KCNJ3: variants seen among roughly 807,000 people sequenced by gnomAD.
KCNJ3 encodes the protein potassium inwardly rectifying channel subfamily J member 3.
In KCNJ3, 4 loss-of-function variants were observed where a neutral mutation model predicts 39.2. The observed-to-expected ratio is 0.10, with a 90% CI of 0.05 to 0.23. The LOEUF (loss-of-function observed/expected upper bound fraction) is 0.23, where lower values mean the gene tolerates loss of function less well. KCNJ3 is among the 10% of genes least tolerant of loss of function. The probability of loss-of-function intolerance (pLI) is 1.00; values close to 1 mark genes in which losing one functional copy is unlikely to be tolerated. For missense variants in KCNJ3, 276 were observed against 634.9 expected (o/e 0.43, Z 6.08); for synonymous variants, 230 against 237.4 (o/e 0.97, Z 0.29).
intron 2 of KCNJ3, among the ~76,000 whole-genome samples, chr2:154,814,419 C>T (rs146319619): frequency 0.087 from 13,197 of 152,054 alleles, 858 homozygotes; most frequent in Non-Finnish European, 0.13. Flanking sequence ...GGGCAGATCA[C>T]CTGAGGTCAG....
intron 2 of KCNJ3, among the ~76,000 whole-genome samples, chr2:154,840,703 A>G (rs571227366): frequency 2.7e-5 from 4 of 150,864 alleles, no homozygotes; most frequent in East Asian, 2.0e-4. Flanking sequence ...GCAATTGTGA[A>G]TGGGAGTTCA....
At chr2:154,815,616 T>G (rs1034323408) in intron 2 of KCNJ3, among the ~76,000 whole-genome samples, 2 of 152,230 alleles carry the variant, frequency 1.3e-5, no homozygotes, top group Admixed American at 1.3e-4. Flanking sequence ...ATATATGAAG[T>G]GCTCATGCAT....
chr2:154,712,631 TC>T (rs1393693690), intron 2 of KCNJ3, among the ~76,000 whole-genome samples: 1 of 152,038 alleles, frequency 6.6e-6, no homozygotes, highest in Non-Finnish European at 1.5e-5. Context: ...GGGGTTATAT[TC>T]TAAGGAGGTG....
chr2:154,717,065 T>G (rs1341685716), intron 2 of KCNJ3, among the ~76,000 whole-genome samples: 2 of 152,214 alleles, frequency 1.3e-5, no homozygotes, highest in African/African-American at 2.4e-5. Flanking sequence ...AATGGATTTC[T>G]TCCAAAGGAG....
chr2:154,781,216 C>T (rs74499291), intron 2 of KCNJ3, among the ~76,000 whole-genome samples: 3,397 of 152,116 alleles, frequency 0.022, 96 homozygotes, highest in African/African-American at 0.07. Flanking sequence ...TCATTTTAGC[C>T]CAGTGAGACA....
chr2:154,839,785 G>GT (rs889120497), intron 2 of KCNJ3, among the ~76,000 whole-genome samples: 9 of 151,602 alleles, frequency 5.9e-5, no homozygotes, highest in Admixed American at 6.6e-5. Context: ...GGGGTTGTTT[G>GT]TTTTTTTTCT....
At chr2:154,761,942 G>C (rs1686054080) in intron 2 of KCNJ3, among the ~76,000 whole-genome samples, 1 of 152,096 alleles carries the variant, frequency 6.6e-6, no homozygotes, top group Non-Finnish European at 1.5e-5. Flanking sequence ...AGGTTATCCA[G>C]GTGTACCCAG....
chr2:154,853,884 A>G (rs1687797202), intron 2 of KCNJ3, among the ~76,000 whole-genome samples: 1 of 152,192 alleles, frequency 6.6e-6, no homozygotes, highest in African/African-American at 2.4e-5. Flanking sequence ...ATAGCCAGCA[A>G]CCAGTTCCAG....
At chr2:154,773,651 C>G (rs1281965743) in intron 2 of KCNJ3, among the ~76,000 whole-genome samples, 1 of 152,002 alleles carries the variant, frequency 6.6e-6, no homozygotes, top group Non-Finnish European at 1.5e-5. Context: ...CACTAGTATT[C>G]TGTATTTTAA....
intron 2 of KCNJ3, among the ~76,000 whole-genome samples, chr2:154,736,306 T>G: frequency 7.1e-6 from 1 of 141,248 alleles, no homozygotes; most frequent in South Asian, 2.2e-4. Context: ...GGAAACAGAA[T>G]TATGTGCCCT....
chr2:154,701,007 T>G (rs1385379164), intron 1 of KCNJ3, among the ~76,000 whole-genome samples: 1 of 152,208 alleles, frequency 6.6e-6, no homozygotes, highest in African/African-American at 2.4e-5. Context: ...ATGAACTGCA[T>G]ACAATTTTTT....
intron 2 of KCNJ3, among the ~76,000 whole-genome samples, chr2:154,834,773 T>G (rs1320044940): frequency 1.3e-5 from 2 of 152,074 alleles, no homozygotes; most frequent in African/African-American, 4.8e-5. Flanking sequence ...GTCATTTAAG[T>G]CTTTTACCAT....
chr2:154,813,602 G>T (rs1045301213), intron 2 of KCNJ3, among the ~76,000 whole-genome samples: 9 of 151,922 alleles, frequency 5.9e-5, no homozygotes, highest in African/African-American at 1.9e-4. Context: ...GTTATTATTT[G>T]GGATGTTTTA....
At chr2:154,731,895 C>A (rs1020279597) in intron 2 of KCNJ3, among the ~76,000 whole-genome samples, 7 of 151,840 alleles carry the variant, frequency 4.6e-5, no homozygotes, top group Non-Finnish European at 1.0e-4. Flanking sequence ...AAATTATCAT[C>A]ATGTTCTACT....
intron 2 of KCNJ3, among the ~76,000 whole-genome samples, chr2:154,750,769 T>C (rs1167372251): frequency 6.6e-6 from 1 of 152,026 alleles, no homozygotes; most frequent in African/African-American, 2.4e-5. Context: ...AACTCTTCCT[T>C]GTATAGACCA....
At chr2:154,819,098 A>T (rs1406515869) in intron 2 of KCNJ3, among the ~76,000 whole-genome samples, 1 of 151,716 alleles carries the variant, frequency 6.6e-6, no homozygotes, top group Admixed American at 6.6e-5. Context: ...AGAGTTCGAG[A>T]CCAGCCTGAG....
intron 2 of KCNJ3, among the ~76,000 whole-genome samples, chr2:154,765,198 G>A (rs79453424): frequency 0.069 from 10,525 of 152,166 alleles, 451 homozygotes; most frequent in Non-Finnish European, 0.075. Context: ...CCCATGGGGA[G>A]CAAACTCACC....
intron 1 of KCNJ3, among the ~76,000 whole-genome samples, chr2:154,705,151 A>G (rs1684980450): frequency 6.6e-6 from 1 of 152,214 alleles, no homozygotes; most frequent in African/African-American, 2.4e-5. Flanking sequence ...ACTCCAAGCT[A>G]GGAAAGAACG....
At chr2:154,791,130 G>C (rs1686621525) in intron 2 of KCNJ3, among the ~76,000 whole-genome samples, 1 of 152,020 alleles carries the variant, frequency 6.6e-6, no homozygotes, top group Non-Finnish European at 1.5e-5. Context: ...AGATTTGCTG[G>C]TCTTTCCTGA....
Sources: allele counts gnomAD v4.1 joint callset (sites outside exome capture counted in the v4.1 genomes callset), GRCh38; gene constraint gnomAD v4.1.1; transcripts MANE v1.5; gene names NCBI Gene and HGNC (gene_info 2026-07-23, HGNC 2026-07-21).